Variants in RIN2 observed in about 807,000 individuals in gnomAD.
RIN2 encodes Ras and Rab interactor 2, also known as RAB5 interacting protein 2.
Under a neutral mutation model 78.0 loss-of-function variants are expected in RIN2, and 36 were observed. The ratio of observed to expected loss-of-function variants is 0.46; its 90% CI spans 0.35 to 0.61. The LOEUF (loss-of-function observed/expected upper bound fraction) is 0.61. Among genes scored for constraint, RIN2 ranks in the 20% least tolerant of loss-of-function variants. The pLI is 0.00. For synonymous variants in RIN2, 466 were observed against 466.8 expected, an observed-to-expected ratio of 1.00 and a Z score of 0.02; for missense variants, 1,087 against 1,159.7, an observed-to-expected ratio of 0.94 and a Z score of 0.91.
chr20:19,935,710 G>A (rs1010855805), intron 4 of RIN2: 51 of 677,600 alleles, frequency 7.5e-5, no homozygotes, highest in South Asian at 3.9e-4. Context: ...AAGGGAAGGC[G>A]GCGTGCTGTG....
chr20:19,930,727 G>A (rs577219010), intron 3 of RIN2, among the ~76,000 whole-genome samples: 1 of 152,248 alleles, frequency 6.6e-6, no homozygotes, highest in Admixed American at 6.5e-5. Flanking sequence ...CTAGTCCCAG[G>A]GTGGTGGGGC....
At position 19,927,677 on chromosome 20, in the gene RIN2, A is replaced by G. The variant is rs142911507; in HGVS notation, c.58-7422A>G. Among the ~76,000 whole-genome samples the G allele has an allele frequency of 9.4e-3, 1,424 of 151,992 alleles. 18 individuals are homozygous for G. The highest frequency in any genetic ancestry group is 0.031 in the African/African-American group (1,305 of 41,460). ...CAATCTGCCCACCTTGGCCTCCAAA[A>G]GTGCTAAGATTACAAGCGTGAGCCA... On this transcript the variant is annotated intron_variant, in intron 3 of 12. Coordinates refer to ENST00000255006, the MANE Select transcript of RIN2 (RefSeq NM_018993.4).
In RIN2 at chr20:19,975,586, C is replaced by T. The variant is rs776387962; in HGVS notation, c.1561C>T (p.Leu521Phe). 1 of 1,614,022 alleles carries T rather than the reference C, an allele frequency of 6.2e-7. No homozygotes were observed. The highest frequency in any genetic ancestry group is 8.5e-7 in the Non-Finnish European group (1 of 1,179,898). ...EKRMVRRIAE[L>F]SRDKCTYFGC... Reference sequence around the variant, plus strand: ...GCGGATGGTCCGCAGGATCGCCGAGCTTTCCCGGGACAAATGCACCTACTT... The same window carrying T: ...GCGGATGGTCCGCAGGATCGCCGAGTTTTCCCGGGACAAATGCACCTACTT... Residue 521 changes from leucine to phenylalanine, a missense_variant, in exon 9 of 13, where the codon CTT (leucine) becomes TTT (phenylalanine). Physicochemically the swap from Leu to Phe is conservative, Grantham distance 22. Coordinates refer to ENST00000255006, the MANE Select transcript of RIN2 (RefSeq NM_018993.4). This position sits in a 1 kb window ranked among gnomAD's most constrained non-coding sequence, Gnocchi z 4.9.
At chr20:19,886,676 G>A in intron 2 of RIN2, 1 of 1,501,708 alleles carries the variant, frequency 6.7e-7, no homozygotes, top group East Asian at 2.5e-5. Context: ...GGACATGTTG[G>A]ACTCATTTTC....
At chr20:19,823,482 G>A in intron 2 of RIN2, 3 of 823,794 alleles carry the variant, frequency 3.6e-6, no homozygotes, top group Non-Finnish European at 6.3e-6. Context: ...CACTGTTGAT[G>A]TCATCTATGA....
At chr20:19,916,394 G>C (rs372737522) in intron 3 of RIN2, among the ~76,000 whole-genome samples, 4 of 152,210 alleles carry the variant, frequency 2.6e-5, no homozygotes, top group East Asian at 3.8e-4. Context: ...CAAAGCGGGA[G>C]GATTGCCTGA....
chr20:19,886,845 G>A, intron 2 of RIN2: 1 of 948,280 alleles, frequency 1.1e-6, no homozygotes, highest in Non-Finnish European at 1.6e-6. Context: ...CTGCTGGGGT[G>A]ACATCTGTGG....
chr20:19,952,876 T>C (rs1281460094), intron 4 of RIN2, among the ~76,000 whole-genome samples: 1 of 152,166 alleles, frequency 6.6e-6, no homozygotes, highest in Admixed American at 6.5e-5. Flanking sequence ...AAACCCCTAA[T>C]TGATCTGAGT....
chr20:19,814,348 G>A (rs1369550552), intron 2 of RIN2, among the ~76,000 whole-genome samples: 1 of 152,152 alleles, frequency 6.6e-6, no homozygotes, highest in South Asian at 2.1e-4. Context: ...ACGTGAGGTC[G>A]CGGTGCACAC....
At chr20:19,785,555 A>G (rs1029200317) in intron 1 of RIN2, among the ~76,000 whole-genome samples, 7 of 152,180 alleles carry the variant, frequency 4.6e-5, no homozygotes, top group Admixed American at 4.6e-4. Context: ...GCCTTTTCCC[A>G]TCCACAGGCC....
intron 3 of RIN2, among the ~76,000 whole-genome samples, chr20:19,916,379 GA>G (rs1455227824): frequency 6.6e-6 from 1 of 152,250 alleles, no homozygotes; most frequent in African/African-American, 2.4e-5. Flanking sequence ...AGTACTTTGG[GA>G]AACCAAAGCG....
intron 4 of RIN2, among the ~76,000 whole-genome samples, chr20:19,945,645 A>G (rs1215314131): frequency 6.6e-6 from 1 of 152,138 alleles, no homozygotes; most frequent in Non-Finnish European, 1.5e-5. Context: ...ATTCTACACT[A>G]AAGCTCATCA....
intron 9 of RIN2, among the ~76,000 whole-genome samples, chr20:19,983,596 A>G (rs1195743138): frequency 7.5e-6 from 1 of 133,888 alleles, no homozygotes; most frequent in East Asian, 2.0e-4. Flanking sequence ...CTACTACTTT[A>G]CCTTTTTAAA....
At chr20:19,978,300 G>GTATGTTAGAGCAGTCATACATACA (rs1337663646) in intron 9 of RIN2, among the ~76,000 whole-genome samples, 1 of 152,166 alleles carries the variant, frequency 6.6e-6, no homozygotes, top group East Asian at 1.9e-4. Flanking sequence ...TAATACACTG[G>GTATGTTAGAGCAGTCATACATACA]TTTAATCCAT....
intron 1 of RIN2, among the ~76,000 whole-genome samples, chr20:19,785,784 G>T (rs1255741231): frequency 1.3e-5 from 2 of 152,164 alleles, no homozygotes; most frequent in South Asian, 4.1e-4. Flanking sequence ...TTGGTAATAT[G>T]TCAAACTTTC....
At chr20:19,983,585 TCTA>T (rs1478178793) in intron 9 of RIN2, among the ~76,000 whole-genome samples, 4 of 146,490 alleles carry the variant, frequency 2.7e-5, no homozygotes, top group Non-Finnish European at 4.6e-5. Context: ...AGCTTCTATT[TCTA>T]CTACTTTACC....
intron 2 of RIN2, among the ~76,000 whole-genome samples, chr20:19,855,883 G>A (rs1210839967): frequency 6.6e-6 from 1 of 152,162 alleles, no homozygotes; most frequent in Non-Finnish European, 1.5e-5. Context: ...AGACCAGCCT[G>A]GCCAACATGG....
chr20:19,789,525 T>A (rs2034820076), intron 1 of RIN2, among the ~76,000 whole-genome samples: 1 of 152,220 alleles, frequency 6.6e-6, no homozygotes, highest in Non-Finnish European at 1.5e-5. Flanking sequence ...TTTTATTTTG[T>A]ACAAGATTCT....
At chr20:19,916,362 T>G (rs1164431875) in intron 3 of RIN2, among the ~76,000 whole-genome samples, 1 of 152,242 alleles carries the variant, frequency 6.6e-6, no homozygotes, top group Non-Finnish European at 1.5e-5. Flanking sequence ...CTCACGCCCA[T>G]AATCCTAGTA....
Sources: allele counts gnomAD v4.1 joint callset (sites outside exome capture counted in the v4.1 genomes callset), GRCh38; gene constraint gnomAD v4.1.1; non-coding constraint Gnocchi (gnomAD v3.1); transcripts MANE v1.5; gene names NCBI Gene and HGNC (gene_info 2026-07-23, HGNC 2026-07-21).